Variants in PDE3B observed in about 807,000 individuals in gnomAD.
The protein encoded by PDE3B is cGMP-inhibited 3',5'-cyclic phosphodiesterase 3B.
PDE3B carries 66 observed loss-of-function variants against 116.8 expected under a neutral mutation model. The observed-to-expected ratio is 0.56, with a 90% CI of 0.46 to 0.69. The LOEUF is 0.69. Among genes scored for constraint, PDE3B ranks in the 30% least tolerant of loss-of-function variants. The pLI, the probability that PDE3B is intolerant of heterozygous loss-of-function variation, is 0.00. For missense variants in PDE3B, 1,384 were observed against 1,368.1 expected, an observed-to-expected ratio of 1.01 and a Z score of -0.18; for synonymous variants, 595 against 533.6, an observed-to-expected ratio of 1.12 and a Z score of -1.59.
At chr11:14,875,208 C>T (rs1049771496), downstream of PDE3B, among the ~76,000 whole-genome samples, 1 of 152,004 alleles carries the variant, frequency 6.6e-6, no homozygotes, top group African/African-American at 2.4e-5. Flanking sequence ...CCTTATGTAC[C>T]GATTTTCTCC....
intron 5 of PDE3B, among the ~76,000 whole-genome samples, chr11:14,817,593 A>G (rs1169455094): frequency 6.6e-6 from 1 of 152,008 alleles, no homozygotes; most frequent in African/African-American, 2.4e-5. Flanking sequence ...CTACAGAAAA[A>G]TAGGTAAATT....
At chr11:14,885,867 A>T in the PDE3B span, 1 of 1,613,666 alleles carries the variant, frequency 6.2e-7, no homozygotes, top group Non-Finnish European at 8.5e-7. Flanking sequence ...TTACTACATC[A>T]TAGCCATTTA....
chr11:14,726,529 T>A (rs1442421649), intron 1 of PDE3B, among the ~76,000 whole-genome samples: 1 of 152,158 alleles, frequency 6.6e-6, no homozygotes, highest in South Asian at 2.1e-4. Flanking sequence ...GATGAAATTA[T>A]CAAGAGATAG....
chr11:14,708,487 G>T (rs1034286481), intron 1 of PDE3B, among the ~76,000 whole-genome samples: 24 of 151,822 alleles, frequency 1.6e-4, no homozygotes, highest in Admixed American at 3.3e-4. Flanking sequence ...TTACATATGG[G>T]GACAGCTTAG....
chr11:14,665,014 C>T (rs1233208994), intron 1 of PDE3B, among the ~76,000 whole-genome samples: 1 of 152,090 alleles, frequency 6.6e-6, no homozygotes, highest in Non-Finnish European at 1.5e-5. Flanking sequence ...TGCAAAAATC[C>T]TCAATAAAAT....
chr11:14,644,488 G>A lies in PDE3B; in HGVS notation c.413G>A (p.Arg138Gln), dbSNP rs1275371260. The A allele has an allele frequency of 1.2e-6, 2 of 1,612,492 alleles. No individual in the cohort carries two copies. The highest frequency in any genetic ancestry group is 1.1e-5 in the South Asian group (1 of 90,948). Residue 138 changes from arginine to glutamine, a missense_variant, in exon 1 of 16, where the codon CGG becomes CAG. Physicochemically the swap from Arg to Gln is conservative, Grantham distance 43 (BLOSUM62 1). Transcript: ENST00000282096. ...AFFFLTCFLT[R>Q]TKRGPGPGRS... ...TTCTTCCTCACCTGCTTCCTCACCC[G>A]GACCAAGCGGGGACCCGGCCCGGGC...
chr11:14,791,385 C>T (rs1261082437), intron 4 of PDE3B, among the ~76,000 whole-genome samples: 5 of 151,982 alleles, frequency 3.3e-5, no homozygotes, highest in Non-Finnish European at 5.9e-5. Context: ...CCAGGTTTCT[C>T]ATCATTCCAG....
At chr11:14,844,143 C>A in intron 12 of PDE3B, 117 bp downstream of exon 12, 1 of 702,270 alleles carries the variant, frequency 1.4e-6, no homozygotes, top group Non-Finnish European at 2.4e-6. Context: ...ACTTTAATAC[C>A]CTACATTTTA....
chr11:14,891,373 T>C, the PDE3B span: 11 of 985,726 alleles, frequency 1.1e-5, no homozygotes, highest in Admixed American at 3.1e-4. Context: ...CCATCTGCGC[T>C]GTAGGACCCC....
chr11:14,767,372 CTT>C (rs1159585333), intron 1 of PDE3B, among the ~76,000 whole-genome samples: 1 of 151,366 alleles, frequency 6.6e-6, no homozygotes, highest in African/African-American at 2.4e-5. Flanking sequence ...GTTTTTATCT[CTT>C]TGTGTGGTAT....
chr11:14,888,649 C>T, the PDE3B span, among the ~76,000 whole-genome samples: 105 of 152,262 alleles, frequency 6.9e-4, no homozygotes, highest in Non-Finnish European at 1.4e-3. Context: ...TTAACACTAT[C>T]TTGAACCAGA....
chr11:14,712,472 T>TG (rs1855734748), intron 1 of PDE3B, among the ~76,000 whole-genome samples: 3 of 57,890 alleles, frequency 5.2e-5, no homozygotes, highest in African/African-American at 7.8e-5. Flanking sequence ...GCTTGTTTTT[T>TG]TTTTTTTTTT....
intron 5 of PDE3B, among the ~76,000 whole-genome samples, chr11:14,812,322 A>T (rs2133943818): frequency 6.6e-6 from 1 of 152,328 alleles, no homozygotes; most frequent in African/African-American, 2.4e-5. Flanking sequence ...CAGTGGAATT[A>T]GATTTGAAAA....
intron 1 of PDE3B, chr11:14,698,776 GTCT>G (rs1485233753): frequency 6.6e-6 from 1 of 151,890 alleles, no homozygotes; most frequent in Non-Finnish European, 1.5e-5. Flanking sequence ...GAGTATGGTT[GTCT>G]TCTTTTGCAG....
intron 1 of PDE3B, among the ~76,000 whole-genome samples, chr11:14,661,613 G>A (rs747787880): frequency 3.3e-5 from 5 of 152,202 alleles, no homozygotes; most frequent in African/African-American, 7.2e-5. Flanking sequence ...CTAATACTGC[G>A]CTTTTCCGAC....
chr11:14,856,780 G>A (rs573982921), intron 12 of PDE3B, among the ~76,000 whole-genome samples: 1 of 151,936 alleles, frequency 6.6e-6, no homozygotes, highest in East Asian at 1.9e-4. Flanking sequence ...CTTGAACCCA[G>A]GAGGCAGAGC....
intron 5 of PDE3B, among the ~76,000 whole-genome samples, chr11:14,806,687 G>A (rs1421458777): frequency 6.6e-6 from 1 of 150,764 alleles, no homozygotes; most frequent in Non-Finnish European, 1.5e-5. Context: ...GTGAAACCCC[G>A]TCTCTACTAA....
intron 1 of PDE3B, among the ~76,000 whole-genome samples, chr11:14,738,507 A>G (rs906266850): frequency 6.6e-6 from 1 of 152,180 alleles, no homozygotes; most frequent in African/African-American, 2.4e-5. Flanking sequence ...TAGATTCTGA[A>G]TATTAGCCCT....
At position 14,838,618 on chromosome 11, in the gene PDE3B, A is replaced by C. The variant is rs188637256; in HGVS notation, c.2320+3523A>C. 1.4e-3 allele frequency among the ~76,000 whole-genome samples: 207 copies of C among 152,312 alleles called. 1 individual carries two copies. The highest frequency in any genetic ancestry group is 4.7e-3 in the African/African-American group (197 of 41,566). ...GGGAAATAATTCACTTCTAAATCCA[A>C]CTCCACTGTCACTCATTTCTTTGAG... On this transcript the variant is annotated intron_variant, in intron 11 of 15. Coordinates refer to ENST00000282096, the MANE Select transcript of PDE3B (RefSeq NM_000922.4).
Sources: allele counts gnomAD v4.1 joint callset (sites outside exome capture counted in the v4.1 genomes callset), GRCh38; gene constraint gnomAD v4.1.1; transcripts MANE v1.5; gene names NCBI Gene and HGNC (gene_info 2026-07-23, HGNC 2026-07-21).